POLR2F: variants seen among roughly 807,000 people sequenced by gnomAD.
POLR2F encodes the protein RNA polymerase II, I and III subunit F, also known as DNA-directed RNA polymerases I, II, and III subunit RPABC2.
Under a neutral mutation model 22.7 loss-of-function variants are expected in POLR2F, and 12 were observed. That is an observed-to-expected ratio of 0.53 (90% CI 0.34 to 0.86). The LOEUF (loss-of-function observed/expected upper bound fraction) is 0.86, where lower values mean the gene tolerates loss of function less well. Ranked by LOEUF, POLR2F falls within the 40% of genes least tolerant of loss-of-function variation. POLR2F has a pLI of 0.02. For synonymous variants in POLR2F, 57 were observed against 66.0 expected (o/e 0.86, Z 0.66); for missense variants, 126 against 171.5 (o/e 0.73, Z 1.48).
At chr22:37,977,383 C>T (rs148958621) in intron 4 of POLR2F, among the ~76,000 whole-genome samples, 2,264 of 151,232 alleles carry the variant, frequency 0.015, 65 homozygotes, top group African/African-American at 0.052. Context: ...TGCAGTGGCG[C>T]GATCCCGGCT....
chr22:38,033,311 A>G (rs886749913), intron 5 of POLR2F, among the ~76,000 whole-genome samples: 3 of 152,024 alleles, frequency 2.0e-5, no homozygotes, highest in African/African-American at 2.4e-5. Flanking sequence ...CATTTTACAG[A>G]TGAGGACTCT....
Position 37,968,090 on chromosome 22 carries a change from G to A in POLR2F, c.*375G>A. 2.0e-6 allele frequency: 2 copies of A among 1,000,706 alleles called. No homozygotes were observed. Among genetic ancestry groups the A allele is most frequent in the African/African-American group, 1.7e-5 (1 of 57,670 alleles). The allele number at this position is 1,000,706 out of a possible 1,614,324, so 62.0% of individuals were successfully genotyped here. A position where few individuals can be genotyped will look rare whatever the true frequency, so the allele number is the denominator to read the frequency against. On this transcript the variant is annotated 3_prime_UTR_variant, in exon 5 of 5. Transcript: ENST00000442738. The stretch of plus-strand genomic sequence containing the variant: ...GAAACCCCCAATTTCCTTTCCAGTG[G>A]GGACTGGCTGCAGGGGCTTCTCCCT...
chr22:37,960,905 G>A (rs936435563), intron 3 of POLR2F, among the ~76,000 whole-genome samples: 46 of 141,700 alleles, frequency 3.2e-4, no homozygotes, highest in Admixed American at 5.3e-4. Context: ...CTGGAGTGCC[G>A]TGGCGTGATC....
chr22:37,987,397 C>T (rs372709746), intron 1 of POLR2F: 64 of 423,234 alleles, frequency 1.5e-4, no homozygotes, highest in Admixed American at 5.7e-4. Context: ...GAGCTGCCTC[C>T]GGTCAGCAGT....
chr22:37,981,205 C>T (rs1164803293), upstream of POLR2F, among the ~76,000 whole-genome samples: 4 of 152,192 alleles, frequency 2.6e-5, no homozygotes, highest in African/African-American at 7.2e-5. Context: ...CCTACCTAAC[C>T]ACCCCACTTC....
upstream of POLR2F, among the ~76,000 whole-genome samples, chr22:37,982,961 C>T (rs1379823280): frequency 6.6e-6 from 1 of 152,206 alleles, no homozygotes; most frequent in African/African-American, 2.4e-5. Flanking sequence ...TCCAGCCAAC[C>T]CTTTGGTTCT....
intron 1 of POLR2F, among the ~76,000 whole-genome samples, chr22:38,020,372 C>T (rs1176960343): frequency 6.6e-6 from 1 of 151,858 alleles, no homozygotes; most frequent in African/African-American, 2.4e-5. Flanking sequence ...TCAAGCAATT[C>T]TCCTCCTTCA....
rs138935424 is a variant in POLR2F, at chr22:38,038,380, G to A, written c.453-2688G>A. ...GCAGCTTGGGGGAAAGGACCAGGCC[G>A]GGCCCAGGCAGGTGGAAGCCATGGC... is the stretch of plus-strand genomic sequence containing the variant. On this transcript the variant is annotated intron_variant, in intron 5 of 5. Transcript: ENST00000407936. Among the ~76,000 whole-genome samples, 51 of 152,258 alleles carry A rather than the reference G, an allele frequency of 3.3e-4. No homozygotes were observed. The South Asian group carries it at 6.8e-3, about 20-fold the overall frequency.
chr22:37,953,761 C>T lies in POLR2F; in HGVS notation c.-27C>T, dbSNP rs1477548333. 6.2e-7 allele frequency: 1 copy of T among 1,605,148 alleles called. No individual in the cohort carries two copies. Among genetic ancestry groups the T allele is most frequent in the Non-Finnish European group, 8.5e-7 (1 of 1,177,918 alleles). On this transcript the variant is annotated 5_prime_UTR_variant, in exon 1 of 5. Transcript: ENST00000442738. The stretch of plus-strand genomic sequence containing the variant: ...CGGGTCTCCGCGCGGGACCGGGGCG[C>T]AGCGGGGTCGCTGAGGCGAGGGTGT...
intron 1 of POLR2F, among the ~76,000 whole-genome samples, chr22:38,008,841 G>C (rs2145807367): frequency 6.7e-6 from 1 of 150,286 alleles, no homozygotes; most frequent in East Asian, 1.9e-4. Flanking sequence ...CTGGGTGACA[G>C]AGTGAGATGC....
intron 4 of POLR2F, among the ~76,000 whole-genome samples, chr22:37,979,312 G>A (rs553949889): frequency 6.6e-6 from 1 of 151,960 alleles, no homozygotes; most frequent in Non-Finnish European, 1.5e-5. Flanking sequence ...TGGCCAGGCT[G>A]GTCTCCAACT....
At chr22:38,028,152 C>G (rs914589546), downstream of POLR2F, among the ~76,000 whole-genome samples, 2 of 152,122 alleles carry the variant, frequency 1.3e-5, no homozygotes, top group African/African-American at 4.8e-5. Context: ...TCTGTGTGTT[C>G]CCTGACTACC....
chr22:37,992,114 G>C (rs551236753), intron 1 of POLR2F, among the ~76,000 whole-genome samples: 1 of 152,322 alleles, frequency 6.6e-6, no homozygotes, highest in East Asian at 1.9e-4. Context: ...GGGACTATAG[G>C]TGTGTGCCAC....
At chr22:38,005,124 T>G (rs2084809065) in intron 1 of POLR2F, among the ~76,000 whole-genome samples, 1 of 152,238 alleles carries the variant, frequency 6.6e-6, no homozygotes, top group South Asian at 2.1e-4. Flanking sequence ...CTGACAGTTA[T>G]GAGAACTCAG....
At chr22:38,013,256 C>G (rs184944247) in intron 1 of POLR2F, among the ~76,000 whole-genome samples, 1 of 152,212 alleles carries the variant, frequency 6.6e-6, no homozygotes, top group African/African-American at 2.4e-5. Context: ...AGTGATTCTA[C>G]TGCCTCAGCT....
At chr22:37,965,491 A>G (rs973014718) in intron 3 of POLR2F, among the ~76,000 whole-genome samples, 4 of 152,282 alleles carry the variant, frequency 2.6e-5, no homozygotes, top group African/African-American at 7.2e-5. Flanking sequence ...TTCCATGTGC[A>G]TAATAGGTGC....
chr22:38,002,372 G>A lies in POLR2F; in HGVS notation c.120+16060G>A, dbSNP rs140071227. On this transcript the variant is annotated intron_variant, in intron 1 of 2. Coordinates refer to the POLR2F transcript ENST00000333418. The stretch of plus-strand genomic sequence containing the variant: ...CAACCAGTTCTATGTAGCATGTGAC[G>A]TGGGTACATTTCAACATGCTTGATG... 9.3e-4 allele frequency among the ~76,000 whole-genome samples: 141 copies of A among 152,274 alleles called. 2 individuals carry two copies. The East Asian group carries it at 0.012, about 13-fold the overall frequency.
Position 37,987,122 on chromosome 22 carries a change from T to G in POLR2F, c.120+810T>G, listed in dbSNP as rs1232437503. On this transcript the variant is annotated intron_variant, in intron 1 of 2. Transcript: ENST00000333418. ...TCACCGTCCATGGCAAGGTGTGGTG[T>G]CTGGTAGGCTCTATGACCTGCCTTC... 1.8e-5 allele frequency: 8 copies of G among 456,746 alleles called. 1 individual carries two copies. In the East Asian group the frequency reaches 2.8e-4, roughly 16 times the overall value. The allele number at this position is 456,746 out of a possible 1,614,324, so 28.3% of individuals were successfully genotyped here.
At chr22:38,029,810 T>G (rs1411019763), downstream of POLR2F, among the ~76,000 whole-genome samples, 2 of 152,172 alleles carry the variant, frequency 1.3e-5, no homozygotes, top group African/African-American at 4.8e-5. Flanking sequence ...GTCTTAGCCT[T>G]CACCAAGGCA....
Sources: gnomAD v4.1 joint callset for allele counts (sites outside exome capture counted in the v4.1 genomes callset) on GRCh38, gnomAD v4.1.1 for gene constraint, MANE v1.5 for transcripts, NCBI Gene and HGNC (gene_info 2026-07-23, HGNC 2026-07-21) for gene names.